The following MYH3 variants were observed in gnomAD, a reference collection of about 807,000 sequenced individuals.
MYH3 encodes myosin heavy chain 3, also known as myosin-3.
Under a neutral mutation model 238.0 loss-of-function variants are expected in MYH3, and 130 were observed. The observed-to-expected ratio is 0.55, with a 90% CI of 0.47 to 0.63. The LOEUF is 0.63. MYH3 is among the 30% of genes least tolerant of loss of function. The probability of loss-of-function intolerance (pLI) is 0.00; values close to 1 mark genes in which losing one functional copy is unlikely to be tolerated. For synonymous variants in MYH3, 880 were observed against 924.1 expected (o/e 0.95, Z 0.86); for missense variants, 1,853 against 2,374.9 (o/e 0.78, Z 4.57).
chr17:10,671,353 A>C, the MYH3 span, among the ~76,000 whole-genome samples: 1 of 152,308 alleles, frequency 6.6e-6, no homozygotes, highest in South Asian at 2.1e-4. Context: ...GGCTTGCTGT[A>C]TATCAACAAA....
intron 17 of MYH3, 134 bp from the exon 18 acceptor site, chr17:10,641,506 G>GTT: frequency 1.6e-5 from 1 of 62,862 alleles, no homozygotes; most frequent in African/African-American, 4.8e-5. Flanking sequence ...ATTTAACTCT[G>GTT]TCTTTTTTTT....
Position 10,644,695 on chromosome 17 carries a change from G to A in MYH3, c.1149C>T (p.Asp383=), listed in dbSNP as rs781415298. The stretch of plus-strand genomic sequence containing the variant: ...TCAGGCCCATCAGATAGGCTGTTTT[G>A]TCAGCCACTGGCAAGAAAACAAGGA... The part of the protein sequence containing the change: ...QAEPDGTEVA[D]KTAYLMGLNS... Residue 383 remains aspartate, a synonymous_variant, in exon 13 of 41, where the codon GAC becomes GAT. Transcript: ENST00000583535. The A allele has an allele frequency of 8.1e-6, 13 of 1,611,316 alleles. No individual in the cohort carries two copies. Among genetic ancestry groups the A allele is most frequent in the South Asian group, 1.1e-5 (1 of 91,002 alleles).
At chr17:10,638,598 G>T (rs566998510) in intron 26 of MYH3, among the ~76,000 whole-genome samples, 166 bp from the exon 27 acceptor site, 1 of 152,194 alleles carries the variant, frequency 6.6e-6, no homozygotes, top group East Asian at 1.9e-4. Context: ...CCCCAACATG[G>T]TAATTACTCC....
intron 5 of MYH3, 141 bp downstream of exon 5, chr17:10,651,369 CCT>C: frequency 6.8e-7 from 1 of 1,465,298 alleles, no homozygotes; most frequent in African/African-American, 1.4e-5. Context: ...TGATGCAGCC[CCT>C]TTCTGCCTCT....
chr17:10,631,499 G>A (rs2074156628), intron 36 of MYH3, 112 bp downstream of exon 36: 3 of 1,519,252 alleles, frequency 2.0e-6, no homozygotes, highest in Non-Finnish European at 2.7e-6. Flanking sequence ...CCCTCGGGGA[G>A]CAGAATGTGC....
At chr17:10,629,310 G>A (rs752272997) in intron 40 of MYH3, among the ~76,000 whole-genome samples, 23 of 152,110 alleles carry the variant, frequency 1.5e-4, no homozygotes, top group South Asian at 2.1e-4. Flanking sequence ...TTAGTTTGCT[G>A]AGAATGATGG....
In MYH3 at chr17:10,654,430, C is replaced by T. The variant is rs2074408812; in HGVS notation, c.204+431G>A. ...GCTGCTATTTCACTGAGCTTGTGGT[C>T]CCCTAGGATCCCTAACACATTTTCC... On this transcript the variant is annotated intron_variant, in intron 3 of 40. Coordinates refer to ENST00000583535, the MANE Select transcript of MYH3 (RefSeq NM_002470.4). The surrounding 1 kb of genome is among the most constrained non-coding windows in gnomAD (Gnocchi z 4.5). 1.3e-5 allele frequency among the ~76,000 whole-genome samples: 2 copies of T among 152,236 alleles called. No individual in the cohort carries two copies. The highest frequency in any genetic ancestry group is 4.1e-4 in the South Asian group (2 of 4,826).
At chr17:10,643,556 A>T (rs1057149557) in intron 14 of MYH3, among the ~76,000 whole-genome samples, 4 of 151,932 alleles carry the variant, frequency 2.6e-5, no homozygotes, top group Non-Finnish European at 5.9e-5. Context: ...TTGTATTTTT[A>T]GTAGAGACGG....
chr17:10,635,615 T>A, intron 29 of MYH3, 52 bp from the exon 30 acceptor site: 1 of 1,614,088 alleles, frequency 6.2e-7, no homozygotes, highest in Non-Finnish European at 8.5e-7. Context: ...GCCAGGTGCA[T>A]GATACAATCC....
chr17:10,655,928 G>A (rs1326814966), intron 2 of MYH3, among the ~76,000 whole-genome samples, 162 bp downstream of exon 2: 14 of 152,128 alleles, frequency 9.2e-5, no homozygotes, highest in Non-Finnish European at 1.9e-4. Flanking sequence ...GGGATTACAG[G>A]TGTGAGCCAT....
In MYH3 at chr17:10,628,602, C is replaced by A. The variant is rs755174982; in HGVS notation, c.*51G>T. Reference sequence around the variant, plus strand: ...ACATTAAGTATCAATGGTCAGGAATCAAGAAAATATACATTTTGCATATCT... The same window carrying A: ...ACATTAAGTATCAATGGTCAGGAATAAAGAAAATATACATTTTGCATATCT... On this transcript the variant is annotated 3_prime_UTR_variant, in exon 41 of 41. Transcript: ENST00000583535. The A allele has an allele frequency of 6.3e-7, 1 of 1,597,844 alleles. No individual in the cohort carries two copies.
the MYH3 span, among the ~76,000 whole-genome samples, chr17:10,667,952 A>C: frequency 6.6e-6 from 1 of 152,226 alleles, no homozygotes; most frequent in Non-Finnish European, 1.5e-5. Flanking sequence ...TATAAAGGAA[A>C]AAGCAAATCC....
rs1038440706 is a variant in MYH3 at position 10,635,065 on chromosome 17, C to T, written c.4173-42G>A. 3.1e-6 allele frequency: 5 copies of T among 1,588,128 alleles called. No individual in the cohort carries two copies. The African/African-American group carries it at 5.4e-5, about 17-fold the overall frequency. On this transcript the variant is annotated intron_variant, in intron 30 of 40. Coordinates refer to ENST00000583535, the MANE Select transcript of MYH3 (RefSeq NM_002470.4). ...GAGAAGCAGCTGTTATTTCAGTTTC[C>T]ATCCACTTGAACATCACTATTCATC...
the MYH3 span, chr17:10,677,540 A>C: frequency 6.6e-6 from 1 of 152,212 alleles, no homozygotes; most frequent in Non-Finnish European, 1.5e-5. Flanking sequence ...AATAAAAGCT[A>C]TTTTAAAGGA....
At chr17:10,671,670 C>T in the MYH3 span, among the ~76,000 whole-genome samples, 2 of 147,980 alleles carry the variant, frequency 1.4e-5, no homozygotes, top group Non-Finnish European at 3.0e-5. Context: ...AGCTCCGCCT[C>T]CCGGGTTCAT....
rs944530116 is a variant in MYH3, at chr17:10,650,266, G to A, written c.533+108C>T. On this transcript the variant is annotated intron_variant, in intron 6 of 40. Transcript: ENST00000583535. ...GCTGGGATTACAGGTGTCAGCCACC[G>A]CGCCCAGCCTGATCTTTTTATTATA... is the stretch of plus-strand genomic sequence containing the variant. 4.0e-5 allele frequency: 46 copies of A among 1,162,536 alleles called. No individual in the cohort carries two copies. The Middle Eastern group carries it at 5.8e-4, about 15-fold the overall frequency. 72.0% of individuals were successfully genotyped at this position (1,162,536 alleles called of 1,614,324 possible).
chr17:10,629,873 A>G lies in MYH3; in HGVS notation c.5627T>C (p.Val1876Ala). Residue 1876 changes from valine to alanine, a missense_variant, in exon 39 of 41, where the codon GTC (valine) becomes GCC (alanine). Transcript: ENST00000583535. The part of the protein sequence containing the change: ...QDLVDKLQVK[V>A]KSYKRQAEEA... ...CTCCGCCTGCCTCTTGTAGGACTTG[A>G]CTTTCACTTGCAGTTTATCCACCAG... 6.2e-7 allele frequency: 1 copy of G among 1,614,100 alleles called. No individual in the cohort carries two copies. Among genetic ancestry groups the G allele is most frequent in the Admixed American group, 1.7e-5 (1 of 59,998 alleles).
At chr17:10,658,199 T>C (rs1003169093), upstream of MYH3, among the ~76,000 whole-genome samples, 36 of 152,082 alleles carry the variant, frequency 2.4e-4, no homozygotes, top group Non-Finnish European at 4.4e-4. Context: ...AGTGGAAAAA[T>C]AAAGCCTCAA....
chr17:10,635,555 G>T lies in MYH3; in HGVS notation c.3984C>A (p.Asn1328Lys). ...AGGACTGCAGGGCGTGCGCCAGGGCGTTCTTGGCCTGCAGAAGTTAAAAAG... is the reference window on the plus strand; with the variant it reads ...AGGACTGCAGGGCGTGCGCCAGGGCTTTCTTGGCCTGCAGAAGTTAAAAAG... ...RQLEEENKAK[N>K]ALAHALQSSR... is the part of the protein sequence containing the mutation. Residue 1328 changes from asparagine to lysine, a missense_variant, in exon 30 of 41, where the codon AAC becomes AAA. Transcript: ENST00000583535. 6.2e-7 allele frequency: 1 copy of T among 1,614,244 alleles called. No individual in the cohort carries two copies. Among genetic ancestry groups the T allele is most frequent in the South Asian group, 1.1e-5 (1 of 91,090 alleles).
Sources: gnomAD v4.1 joint callset for allele counts (sites outside exome capture counted in the v4.1 genomes callset) on GRCh38, gnomAD v4.1.1 for gene constraint, Gnocchi (gnomAD v3.1) non-coding constraint, MANE v1.5 for transcripts, NCBI Gene and HGNC (gene_info 2026-07-23, HGNC 2026-07-21) for gene names.